TENM4: variants seen among roughly 807,000 people sequenced by gnomAD.
The protein encoded by TENM4 is teneurin transmembrane protein 4, also known as teneurin-4.
TENM4 carries 82 observed loss-of-function variants against 243.3 expected under a neutral mutation model. The observed-to-expected ratio is 0.34, with a 90% CI of 0.28 to 0.40. The LOEUF (loss-of-function observed/expected upper bound fraction) is 0.40, where lower values mean the gene tolerates loss of function less well. Among genes scored for constraint, TENM4 ranks in the 10% least tolerant of loss-of-function variants. The pLI, the probability that TENM4 is intolerant of heterozygous loss-of-function variation, is 1.00. For synonymous variants in TENM4, 1,412 were observed against 1,456.3 expected, an observed-to-expected ratio of 0.97 and a Z score of 0.69; for missense variants, 3,138 against 3,673.3, an observed-to-expected ratio of 0.85 and a Z score of 3.77.
intron 6 of TENM4, among the ~76,000 whole-genome samples, chr11:79,008,062 T>TA (rs1324054428): frequency 2.6e-5 from 4 of 152,138 alleles, no homozygotes; most frequent in African/African-American, 9.7e-5. Context: ...TGCAGGGTGC[T>TA]AAAAATTTTT....
intron 6 of TENM4, among the ~76,000 whole-genome samples, chr11:79,027,827 T>C (rs773835922): frequency 4.0e-4 from 61 of 152,180 alleles, no homozygotes; most frequent in Non-Finnish European, 8.2e-4. Context: ...CTGGTGCCTG[T>C]TGGGCTACAG....
chr11:78,800,105 A>C (rs1328173644), intron 15 of TENM4, among the ~76,000 whole-genome samples: 1 of 152,230 alleles, frequency 6.6e-6, no homozygotes, highest in Non-Finnish European at 1.5e-5. Flanking sequence ...TCTGAAAGAA[A>C]GGTGAGCCTT....
chr11:79,248,427 CT>C (rs1300396313), intron 2 of TENM4, among the ~76,000 whole-genome samples: 3 of 152,178 alleles, frequency 2.0e-5, no homozygotes, highest in African/African-American at 7.2e-5. Flanking sequence ...CAACATTTTG[CT>C]GGCCACACAG....
chr11:79,046,681 G>A (rs1313088404), intron 6 of TENM4, among the ~76,000 whole-genome samples: 2 of 152,178 alleles, frequency 1.3e-5, no homozygotes, highest in Non-Finnish European at 2.9e-5. Flanking sequence ...GAGTGATGCA[G>A]CTGCAAGCCA....
chr11:79,032,008 T>C (rs1289222661), intron 6 of TENM4, among the ~76,000 whole-genome samples: 1 of 152,234 alleles, frequency 6.6e-6, no homozygotes, highest in Admixed American at 6.5e-5. Context: ...CCCTTTTCTG[T>C]AGCCTATGGG....
intron 6 of TENM4, among the ~76,000 whole-genome samples, chr11:79,016,257 C>T (rs965254693): frequency 2.6e-5 from 4 of 152,096 alleles, no homozygotes; most frequent in Non-Finnish European, 5.9e-5. Context: ...AGGGGAGATG[C>T]TGGGGACTTG....
intron 12 of TENM4, among the ~76,000 whole-genome samples, chr11:78,824,930 T>C (rs1316796533): frequency 6.6e-6 from 1 of 152,260 alleles, no homozygotes. Context: ...CCAGGGCCAG[T>C]ACATTCCAAC....
chr11:79,377,889 T>C (rs1302386686), intron 1 of TENM4, among the ~76,000 whole-genome samples: 2 of 152,102 alleles, frequency 1.3e-5, no homozygotes, highest in African/African-American at 4.8e-5. Context: ...AAAATAGAGA[T>C]ATTTTACTCT....
chr11:79,232,640 A>T (rs1864393420), intron 2 of TENM4, among the ~76,000 whole-genome samples: 1 of 152,248 alleles, frequency 6.6e-6, no homozygotes, highest in Non-Finnish European at 1.5e-5. Flanking sequence ...CAGTCCAGTG[A>T]ATTGTGCTAA....
chr11:79,042,363 C>T (rs562324071), intron 6 of TENM4, among the ~76,000 whole-genome samples: 1 of 152,264 alleles, frequency 6.6e-6, no homozygotes, highest in East Asian at 1.9e-4. Flanking sequence ...TATGCTAATA[C>T]CTAAACCCCA....
At chr11:78,690,927 C>T (rs951376285) in intron 28 of TENM4, among the ~76,000 whole-genome samples, 1 of 152,172 alleles carries the variant, frequency 6.6e-6, no homozygotes, top group Admixed American at 6.5e-5. Flanking sequence ...CCTGACCTAA[C>T]CACATGAAAA....
chr11:78,657,062 T>C lies in TENM4; in HGVS notation c.*996A>G. On this transcript the variant is annotated 3_prime_UTR_variant, in exon 34 of 34. Transcript: ENST00000278550. ...GAGGGCTTTGCCTCGGAAGGCAGGC[T>C]GGTGCCCTCGCCACCACTGCCATGC... The C allele has an allele frequency of 2.5e-6, 1 of 398,698 alleles. No homozygotes were observed. The highest frequency in any genetic ancestry group is 4.4e-6 in the Non-Finnish European group (1 of 226,114). The allele number at this position is 398,698 out of a possible 1,614,324, so 24.7% of individuals were successfully genotyped here.
intron 18 of TENM4, among the ~76,000 whole-genome samples, chr11:78,769,265 A>G (rs768163332): frequency 6.6e-6 from 1 of 152,120 alleles, no homozygotes; most frequent in African/African-American, 2.4e-5. Context: ...ATATAAATAC[A>G]CTTTGCCTTG....
At chr11:78,845,695 A>G (rs1591066589) in intron 12 of TENM4, among the ~76,000 whole-genome samples, 1 of 152,150 alleles carries the variant, frequency 6.6e-6, no homozygotes, top group African/African-American at 2.4e-5. Flanking sequence ...CTATGTGAGA[A>G]CCCTCTCAAA....
chr11:78,928,646 T>C (rs927283595), intron 6 of TENM4, among the ~76,000 whole-genome samples: 1 of 152,262 alleles, frequency 6.6e-6, no homozygotes, highest in Non-Finnish European at 1.5e-5. Context: ...ACTTTGTACA[T>C]ATTATATCAC....
intron 4 of TENM4, among the ~76,000 whole-genome samples, chr11:79,077,296 C>T (rs1860556579): frequency 6.6e-6 from 1 of 152,128 alleles, no homozygotes; most frequent in Non-Finnish European, 1.5e-5. Context: ...GGGGCCTGCC[C>T]CACACCCAGG....
chr11:78,955,359 G>A (rs1169612881), intron 6 of TENM4, among the ~76,000 whole-genome samples: 1 of 152,200 alleles, frequency 6.6e-6, no homozygotes, highest in Non-Finnish European at 1.5e-5. Context: ...CTCCTTCCAG[G>A]TGCCTCTTCA....
intron 12 of TENM4, among the ~76,000 whole-genome samples, chr11:78,851,868 G>C (rs888692635): frequency 2.0e-5 from 3 of 152,202 alleles, no homozygotes; most frequent in Admixed American, 6.5e-5. Flanking sequence ...CCAGAATCCT[G>C]AAAAACTAAG....
chr11:79,153,158 G>A (rs1832822071), intron 3 of TENM4, among the ~76,000 whole-genome samples: 2 of 152,162 alleles, frequency 1.3e-5, no homozygotes, highest in Non-Finnish European at 2.9e-5. Context: ...TCAGGTTTTG[G>A]TTTGTTATGT....
Sources: gnomAD v4.1 joint callset for allele counts (sites outside exome capture counted in the v4.1 genomes callset) on GRCh38, gnomAD v4.1.1 for gene constraint, MANE v1.5 for transcripts, NCBI Gene and HGNC (gene_info 2026-07-23, HGNC 2026-07-21) for gene names.